Variants in ATP11B observed in about 807,000 individuals in gnomAD.
ATP11B encodes the protein ATPase phospholipid transporting 11B (putative).
A neutral mutation model predicts 157.8 loss-of-function variants in ATP11B; 81 were observed. That is an observed-to-expected ratio of 0.51 (90% CI 0.43 to 0.62). ATP11B has a LOEUF of 0.62. Among genes scored for constraint, ATP11B ranks in the 20% least tolerant of loss-of-function variants. The pLI, the probability that ATP11B is intolerant of heterozygous loss-of-function variation, is 0.00. For synonymous variants in ATP11B, 451 were observed against 469.4 expected (o/e 0.96, Z 0.51); for missense variants, 1,165 against 1,402.2 (o/e 0.83, Z 2.70).
intron 25 of ATP11B, among the ~76,000 whole-genome samples, chr3:182,895,370 A>G (rs762524760): frequency 6.6e-6 from 1 of 152,198 alleles, no homozygotes; most frequent in African/African-American, 2.4e-5. Context: ...GTTGATAATC[A>G]TAACTATTAT....
At chr3:182,840,796 T>C (rs1282819537) in intron 7 of ATP11B, among the ~76,000 whole-genome samples, 2 of 152,200 alleles carry the variant, frequency 1.3e-5, no homozygotes, top group East Asian at 3.8e-4. Flanking sequence ...TTCCTAGTTT[T>C]GTCTGAGCCA....
At chr3:182,913,306 A>G (rs1724920978) in intron 28 of ATP11B, among the ~76,000 whole-genome samples, 1 of 152,184 alleles carries the variant, frequency 6.6e-6, no homozygotes, top group Non-Finnish European at 1.5e-5. Context: ...GAGTGCTTAG[A>G]ACCTGGCACA....
chr3:182,888,115 C>A (rs1346315572), intron 24 of ATP11B, among the ~76,000 whole-genome samples: 1 of 152,078 alleles, frequency 6.6e-6, no homozygotes, highest in African/African-American at 2.4e-5. Context: ...ACATTAATTC[C>A]CACCCCAGAT....
intron 29 of ATP11B, chr3:182,914,560 C>A: frequency 1.0e-6 from 1 of 985,228 alleles, no homozygotes; most frequent in Non-Finnish European, 1.2e-6. Flanking sequence ...TTTTAAGTTT[C>A]TTTTGCTTGG....
intron 11 of ATP11B, among the ~76,000 whole-genome samples, 172 bp from the exon 12 acceptor site, chr3:182,858,990 G>A (rs1329844678): frequency 6.6e-6 from 1 of 152,106 alleles, no homozygotes; most frequent in East Asian, 1.9e-4. Context: ...CAGAGGAAAT[G>A]TAATGTTAAA....
intron 17 of ATP11B, among the ~76,000 whole-genome samples, chr3:182,870,984 A>G (rs375550317): frequency 1.3e-5 from 2 of 150,266 alleles, no homozygotes; most frequent in African/African-American, 4.9e-5. Context: ...TTTTAAGTCT[A>G]CGCTTTCCAA....
At chr3:182,817,835 G>T (rs1380831374) in intron 1 of ATP11B, among the ~76,000 whole-genome samples, 2 of 151,682 alleles carry the variant, frequency 1.3e-5, no homozygotes, top group African/African-American at 4.8e-5. Context: ...ATAAATTCTG[G>T]TCTTGTGAGA....
intron 28 of ATP11B, among the ~76,000 whole-genome samples, chr3:182,911,212 A>C (rs1577118873): frequency 7.2e-5 from 9 of 124,760 alleles, no homozygotes; most frequent in East Asian, 2.5e-4. Context: ...ACACATAGCC[A>C]CTCTTTCTCC....
intron 15 of ATP11B, 56 bp downstream of exon 15, chr3:182,867,500 A>G (rs960975814): frequency 5.7e-6 from 7 of 1,230,906 alleles, no homozygotes; most frequent in Non-Finnish European, 8.3e-6. Context: ...ATAGTATAGA[A>G]TAAGGATCAG....
At chr3:182,913,648 C>T (rs1392662134) in intron 28 of ATP11B, among the ~76,000 whole-genome samples, 1 of 152,144 alleles carries the variant, frequency 6.6e-6, no homozygotes, top group East Asian at 1.9e-4. Flanking sequence ...AATTATTTTA[C>T]TAGACCTCTA....
rs535527629 is a variant in ATP11B at position 182,903,059 on chromosome 3, A to C, written c.3318+4287A>C. 7.2e-5 allele frequency among the ~76,000 whole-genome samples: 11 copies of C among 152,184 alleles called. No individual in the cohort carries two copies. The East Asian group carries it at 2.1e-3, about 29-fold the overall frequency. Reference sequence around the variant, plus strand: ...CTGGCTACTATTTAGTGCATCTATAAATCGAACAATGTGTGTGTATGTCTT... The same window carrying C: ...CTGGCTACTATTTAGTGCATCTATACATCGAACAATGTGTGTGTATGTCTT... On this transcript the variant is annotated intron_variant, in intron 28 of 29. Coordinates refer to ENST00000323116, the MANE Select transcript of ATP11B (RefSeq NM_014616.3).
At chr3:182,865,778 A>C in intron 13 of ATP11B, 80 bp downstream of exon 13, 1 of 1,086,236 alleles carries the variant, frequency 9.2e-7, no homozygotes, top group Non-Finnish European at 1.3e-6. Context: ...CAGGAAAAAA[A>C]GTTTGTGTCA....
chr3:182,911,281 G>A (rs986890597), intron 28 of ATP11B, among the ~76,000 whole-genome samples: 3 of 58,764 alleles, frequency 5.1e-5, no homozygotes, highest in Non-Finnish European at 8.2e-5. Flanking sequence ...GCCCCCCCCC[G>A]CTAAGTCCTT....
intron 28 of ATP11B, among the ~76,000 whole-genome samples, chr3:182,910,104 G>A (rs1467949898): frequency 6.9e-6 from 1 of 144,794 alleles, no homozygotes; most frequent in Non-Finnish European, 1.5e-5. Context: ...AAGCAGCTGA[G>A]TTCTTTTTTT....
At chr3:182,911,249 C>A in intron 28 of ATP11B, among the ~76,000 whole-genome samples, 1 of 111,280 alleles carries the variant, frequency 9.0e-6, no homozygotes, top group African/African-American at 4.0e-5. Flanking sequence ...ATCTTTTCCC[C>A]CCCATCTCCT....
intron 1 of ATP11B, among the ~76,000 whole-genome samples, chr3:182,812,350 G>A (rs1033142455): frequency 1.3e-5 from 2 of 152,158 alleles, no homozygotes; most frequent in Non-Finnish European, 2.9e-5. Context: ...TTAGATATGA[G>A]TGGAAATGTA....
chr3:182,895,112 CAAAAAAAA>C (rs368282275), intron 25 of ATP11B, among the ~76,000 whole-genome samples: 3 of 68,274 alleles, frequency 4.4e-5, no homozygotes, highest in South Asian at 5.5e-4. Flanking sequence ...GACCCTGACT[CAAAAAAAA>C]AAAAAAAAAA....
intron 1 of ATP11B, among the ~76,000 whole-genome samples, chr3:182,796,729 T>A (rs1423851272): frequency 1.3e-5 from 2 of 152,210 alleles, no homozygotes. Flanking sequence ...TAAGTAGACA[T>A]TGGATACATG....
chr3:182,861,047 A>G lies in ATP11B; in HGVS notation c.1200+1688A>G, dbSNP rs997564931. ...TATGAGAGAATGGGATTAGGGGTAC[A>G]ACACAAAAACAATAATACTTTTTTT... is the stretch of plus-strand genomic sequence containing the variant. On this transcript the variant is annotated intron_variant, in intron 12 of 29. Coordinates refer to ENST00000323116, the MANE Select transcript of ATP11B (RefSeq NM_014616.3). Among the ~76,000 whole-genome samples, 64 of 149,562 alleles carry G rather than the reference A, an allele frequency of 4.3e-4. 1 individual carries two copies. Among genetic ancestry groups the G allele is most frequent in the Admixed American group, 3.9e-3 (58 of 14,766 alleles).
Sources: allele counts gnomAD v4.1 joint callset (sites outside exome capture counted in the v4.1 genomes callset), GRCh38; gene constraint gnomAD v4.1.1; transcripts MANE v1.5; gene names NCBI Gene and HGNC (gene_info 2026-07-23, HGNC 2026-07-21).